The following CLDN14 variants were observed in gnomAD, a reference collection of about 807,000 sequenced individuals.
CLDN14 encodes the protein claudin-14.
Under a neutral mutation model 2.1 loss-of-function variants are expected in CLDN14, and 2 were observed. The ratio of observed to expected loss-of-function variants is 0.96; its 90% CI spans 0.39 to 3.01. The LOEUF (loss-of-function observed/expected upper bound fraction) is 3.01, where lower values mean the gene tolerates loss of function less well. Ranked by LOEUF, CLDN14 falls within the 30% of genes most tolerant of loss-of-function variation. CLDN14 has a pLI of 0.09. For missense variants in CLDN14, 298 were observed against 328.0 expected (o/e 0.91, Z 0.71); for synonymous variants, 136 against 154.4 (o/e 0.88, Z 0.88).
At chr21:36,560,640 T>C (rs2087628193) in intron 1 of CLDN14, among the ~76,000 whole-genome samples, 1 of 152,242 alleles carries the variant, frequency 6.6e-6, no homozygotes. Context: ...CACTTAGTCA[T>C]GGTGTATGAT....
At chr21:36,532,395 T>C (rs970817225) in intron 1 of CLDN14, 2 of 54,656 alleles carry the variant, frequency 3.7e-5, no homozygotes, top group Non-Finnish European at 1.3e-4. Flanking sequence ...TAAATAAATG[T>C]TTAAAAAAAA....
intron 1 of CLDN14, among the ~76,000 whole-genome samples, chr21:36,519,737 A>AC (rs2087256068): frequency 6.8e-6 from 1 of 147,784 alleles, no homozygotes; most frequent in African/African-American, 2.5e-5. Flanking sequence ...CAACAACAAA[A>AC]CCCCAAAAAC....
At chr21:36,523,825 AAG>A (rs2087298659) in intron 1 of CLDN14, among the ~76,000 whole-genome samples, 1 of 147,838 alleles carries the variant, frequency 6.8e-6, no homozygotes, top group Non-Finnish European at 1.5e-5. Context: ...GAAAGAAAGA[AAG>A]AAAGAAAGAA....
chr21:36,463,951 C>T (rs2086612459), intron 1 of CLDN14, among the ~76,000 whole-genome samples: 1 of 152,184 alleles, frequency 6.6e-6, no homozygotes, highest in South Asian at 2.1e-4. Flanking sequence ...CGTGGTGCCT[C>T]ACAGGACACG....
chr21:36,485,570 A>G (rs953034938), intron 2 of CLDN14, among the ~76,000 whole-genome samples: 19 of 152,348 alleles, frequency 1.2e-4, no homozygotes, highest in African/African-American at 4.6e-4. Flanking sequence ...ACCTGAGTAC[A>G]GGTTAATCAA....
chr21:36,525,290 G>A (rs921769329), intron 1 of CLDN14, among the ~76,000 whole-genome samples: 1 of 152,142 alleles, frequency 6.6e-6, no homozygotes, highest in African/African-American at 2.4e-5. Context: ...AGGGGACTCT[G>A]GGGCAGGAGG....
intron 2 of CLDN14, chr21:36,486,986 ATT>A (rs57062881): frequency 7.6e-3 from 2,122 of 277,828 alleles, no homozygotes; most frequent in South Asian, 0.012. Flanking sequence ...ATTTTGTTTA[ATT>A]TTTTTTTTTT....
At chr21:36,500,345 G>A (rs1287158328) in intron 2 of CLDN14, among the ~76,000 whole-genome samples, 2 of 152,142 alleles carry the variant, frequency 1.3e-5, no homozygotes, top group East Asian at 3.9e-4. Flanking sequence ...TAACAGTGAC[G>A]CCTCGGACAG....
rs1568837999 is a variant in CLDN14, at chr21:36,460,994, C to T, written c.702G>A (p.Arg234=). The change falls in exon 2 of 2, where the codon AGG becomes AGA. Residue 234 remains arginine, a synonymous_variant. Transcript: ENST00000399135. The surrounding 1 kb of genome is among the most constrained non-coding windows in gnomAD (Gnocchi z 4.0). ...SVTSATHSGY[R]LNDYV ...TGGGGACTCACACGTAGTCGTTCAG[C>T]CTGTACCCGCTGTGCGTGGCCGAGG... The T allele has an allele frequency of 1.2e-6, 2 of 1,612,942 alleles. No individual in the cohort carries two copies. Among genetic ancestry groups the T allele is most frequent in the East Asian group, 2.2e-5 (1 of 44,884 alleles).
At chr21:36,467,220 G>A (rs1480284205) in intron 1 of CLDN14, among the ~76,000 whole-genome samples, 2 of 152,136 alleles carry the variant, frequency 1.3e-5, no homozygotes, top group African/African-American at 4.8e-5. Flanking sequence ...AAAAAGCAGG[G>A]TTCTGGAGCA....
chr21:36,557,798 C>A (rs1411220742), intron 1 of CLDN14, among the ~76,000 whole-genome samples: 2 of 152,152 alleles, frequency 1.3e-5, no homozygotes, highest in Non-Finnish European at 2.9e-5. Flanking sequence ...TTGATGTAAT[C>A]CCATTTGCCT....
intron 1 of CLDN14, among the ~76,000 whole-genome samples, chr21:36,541,989 C>T (rs926145035): frequency 2.0e-5 from 3 of 152,060 alleles, no homozygotes; most frequent in Non-Finnish European, 4.4e-5. Flanking sequence ...CCAGAGTCTC[C>T]CTCTGTCGCC....
chr21:36,497,650 G>A (rs1015384288), intron 2 of CLDN14, among the ~76,000 whole-genome samples: 4 of 152,062 alleles, frequency 2.6e-5, no homozygotes, highest in African/African-American at 4.8e-5. Flanking sequence ...AAGCCGGAAC[G>A]AAGCCCAGAA....
intron 1 of CLDN14, among the ~76,000 whole-genome samples, chr21:36,552,886 T>C (rs2087572564): frequency 6.6e-6 from 1 of 152,170 alleles, no homozygotes; most frequent in Non-Finnish European, 1.5e-5. Context: ...TCTCTTGCTT[T>C]GGGATTTCTG....
intron 1 of CLDN14, chr21:36,510,549 T>C (rs1473063227): frequency 1.3e-5 from 2 of 152,238 alleles, no homozygotes; most frequent in African/African-American, 4.8e-5. Context: ...CCATAAACTC[T>C]CAGGAGCAGT....
chr21:36,562,196 T>C (rs1716705931), intron 1 of CLDN14, among the ~76,000 whole-genome samples: 1 of 152,236 alleles, frequency 6.6e-6, no homozygotes, highest in Non-Finnish European at 1.5e-5. Context: ...GGGAAACAGA[T>C]ACCCTGAAGA....
chr21:36,576,060 A>G (rs967688735), intron 1 of CLDN14, among the ~76,000 whole-genome samples: 7 of 152,228 alleles, frequency 4.6e-5, no homozygotes, highest in African/African-American at 1.7e-4. Flanking sequence ...CTCAGTAATT[A>G]AAAACCAACC....
At chr21:36,517,568 C>T (rs1275454410) in intron 1 of CLDN14, among the ~76,000 whole-genome samples, 2 of 152,004 alleles carry the variant, frequency 1.3e-5, no homozygotes, top group African/African-American at 4.8e-5. Flanking sequence ...CGTGTGGGCA[C>T]AGCTTTTGTT....
intron 1 of CLDN14, among the ~76,000 whole-genome samples, chr21:36,511,046 G>C (rs557677920): frequency 2.0e-5 from 3 of 152,320 alleles, no homozygotes; most frequent in Non-Finnish European, 4.4e-5. Context: ...TGTAGAAAAG[G>C]GGAGAAGGGA....
Sources: gnomAD v4.1 joint callset for allele counts (sites outside exome capture counted in the v4.1 genomes callset) on GRCh38, gnomAD v4.1.1 for gene constraint, Gnocchi (gnomAD v3.1) non-coding constraint, MANE v1.5 for transcripts, NCBI Gene and HGNC (gene_info 2026-07-23, HGNC 2026-07-21) for gene names.